DCLK1: variants seen among roughly 807,000 people sequenced by gnomAD.
The protein encoded by DCLK1 is serine/threonine-protein kinase DCLK1.
Under a neutral mutation model 86.2 loss-of-function variants are expected in DCLK1, and 16 were observed. The ratio of observed to expected loss-of-function variants is 0.19; its 90% CI spans 0.13 to 0.28. The LOEUF (loss-of-function observed/expected upper bound fraction) is 0.28, where lower values mean the gene tolerates loss of function less well. Ranked by LOEUF, DCLK1 falls within the 10% of genes least tolerant of loss-of-function variation. The pLI is 1.00. For missense variants in DCLK1, 590 were observed against 940.2 expected, an observed-to-expected ratio of 0.63 and a Z score of 4.87; for synonymous variants, 369 against 370.5, an observed-to-expected ratio of 1.00 and a Z score of 0.05.
At chr13:35,796,491 G>C (rs74400583) in intron 15 of DCLK1, among the ~76,000 whole-genome samples, 1 of 152,164 alleles carries the variant, frequency 6.6e-6, no homozygotes, top group African/African-American at 2.4e-5. Context: ...AAGAGGGAAC[G>C]AGCAGAGGTG....
At position 35,895,738 on chromosome 13, in the gene DCLK1, C is replaced by T. The variant is rs567347359; in HGVS notation, c.824-24398G>A. On this transcript the variant is annotated intron_variant, in intron 4 of 16. Coordinates refer to ENST00000360631, the MANE Select transcript of DCLK1 (RefSeq NM_001330071.2). The stretch of plus-strand genomic sequence containing the variant: ...TTCTTTATAACTCAGTGTTCATATA[C>T]TATAGCAAAAAAAAACAAAACAAAA... Among the ~76,000 whole-genome samples the T allele has an allele frequency of 6.4e-4, 53 of 82,888 alleles. 2 individuals are homozygous for T. In the South Asian group the frequency reaches 0.013, roughly 21 times the overall value. 54.4% of individuals were successfully genotyped at this position (82,888 alleles called of 152,430 possible).
intron 15 of DCLK1, 68 bp downstream of exon 15, chr13:35,805,631 G>T (rs11618474): frequency 0.1 from 151,375 of 1,482,152 alleles, 11,008 homozygotes; most frequent in African/African-American, 0.34. Flanking sequence ...AATAACATTA[G>T]AAAATCTGCA....
At chr13:35,998,481 G>A (rs17789788) in intron 3 of DCLK1, among the ~76,000 whole-genome samples, 1 of 151,812 alleles carries the variant, frequency 6.6e-6, no homozygotes. Context: ...TTCTCCAGCC[G>A]ATGCGTCTCT....
intron 3 of DCLK1, among the ~76,000 whole-genome samples, chr13:36,089,493 A>C (rs1884739753): frequency 6.6e-6 from 1 of 152,124 alleles, no homozygotes; most frequent in Non-Finnish European, 1.5e-5. Flanking sequence ...CTCTCATGAC[A>C]CTTCTCTGCA....
intron 4 of DCLK1, among the ~76,000 whole-genome samples, chr13:35,941,315 T>G (rs1261661799): frequency 6.6e-6 from 1 of 152,216 alleles, no homozygotes; most frequent in Non-Finnish European, 1.5e-5. Context: ...GAATGGTACC[T>G]GATACAGCTT....
chr13:35,886,861 G>T (rs1873299084), intron 4 of DCLK1, among the ~76,000 whole-genome samples: 1 of 152,078 alleles, frequency 6.6e-6, no homozygotes, highest in African/African-American at 2.4e-5. Flanking sequence ...AGAAAACCTG[G>T]AGACAAAAAT....
In DCLK1 at chr13:35,933,342, G is replaced by A. The variant is rs545228980; in HGVS notation, c.823+14016C>T. Among the ~76,000 whole-genome samples the A allele has an allele frequency of 2.0e-5, 3 of 152,286 alleles. No homozygotes were observed. The South Asian group carries it at 6.2e-4, about 32-fold the overall frequency. ...ACCACCATTCTGGGGCCTGGAGGAC[G>A]GTGGCCCTCTTCTCACAGCTCCACT... On this transcript the variant is annotated intron_variant, in intron 4 of 16. Transcript: ENST00000360631.
intron 3 of DCLK1, among the ~76,000 whole-genome samples, chr13:36,004,573 T>TTTG (rs1333733363): frequency 8.5e-5 from 13 of 152,054 alleles, no homozygotes; most frequent in East Asian, 1.9e-4. Flanking sequence ...TCACAAGTTT[T>TTTG]TTGTTGTTGT....
intron 3 of DCLK1, among the ~76,000 whole-genome samples, chr13:35,953,491 GA>G (rs1298284974): frequency 1.3e-5 from 2 of 152,042 alleles, no homozygotes; most frequent in Admixed American, 1.3e-4. Flanking sequence ...TTGGCTCAAG[GA>G]AGACATATTC....
intron 4 of DCLK1, among the ~76,000 whole-genome samples, chr13:35,913,437 T>A (rs1354362840): frequency 8.5e-5 from 13 of 152,224 alleles, no homozygotes; most frequent in Non-Finnish European, 2.9e-5. Context: ...CCACAAATGC[T>A]CAAATGCAAT....
intron 3 of DCLK1, among the ~76,000 whole-genome samples, chr13:35,996,231 C>T (rs1205250149): frequency 6.6e-6 from 1 of 151,112 alleles, no homozygotes; most frequent in African/African-American, 2.5e-5. Context: ...ACCCTGCCAA[C>T]CTATTTTAGT....
At chr13:35,906,175 T>A (rs1874679081) in intron 4 of DCLK1, among the ~76,000 whole-genome samples, 1 of 152,324 alleles carries the variant, frequency 6.6e-6, no homozygotes, top group Admixed American at 6.5e-5. Context: ...GAAACAGCAT[T>A]GCAACCACAC....
chr13:35,778,229 A>T (rs571698927), intron 16 of DCLK1, among the ~76,000 whole-genome samples: 1 of 152,160 alleles, frequency 6.6e-6, no homozygotes, highest in Non-Finnish European at 1.5e-5. Context: ...ACAAGGTCCA[A>T]TTTATTTACA....
At chr13:35,976,437 A>G (rs965761796) in intron 3 of DCLK1, among the ~76,000 whole-genome samples, 1 of 151,080 alleles carries the variant, frequency 6.6e-6, no homozygotes, top group African/African-American at 2.4e-5. Context: ...GTGAACCCTT[A>G]GCAGATGATG....
chr13:35,793,789 T>C (rs1171729208), intron 15 of DCLK1, among the ~76,000 whole-genome samples: 1 of 152,174 alleles, frequency 6.6e-6, no homozygotes, highest in African/African-American at 2.4e-5. Flanking sequence ...TCTAGGAACA[T>C]GTCAAAAAGC....
intron 6 of DCLK1, among the ~76,000 whole-genome samples, chr13:35,845,198 A>G (rs1870088422): frequency 6.6e-6 from 1 of 152,240 alleles, no homozygotes; most frequent in Admixed American, 6.5e-5. Context: ...CAGTGAGCCA[A>G]GATCGCACCA....
At chr13:36,039,991 T>G (rs9546226) in intron 3 of DCLK1, among the ~76,000 whole-genome samples, 7,742 of 151,742 alleles carry the variant, frequency 0.051, 205 homozygotes, top group Middle Eastern at 0.092. Flanking sequence ...TGCAGTGGCA[T>G]GATCATAGCT....
intron 15 of DCLK1, among the ~76,000 whole-genome samples, chr13:35,801,245 C>G (rs929031176): frequency 3.3e-5 from 5 of 151,966 alleles, no homozygotes; most frequent in Non-Finnish European, 7.4e-5. Context: ...TCTTTGAAAT[C>G]CCTAATTTAT....
chr13:35,792,992 C>T (rs955862475), intron 16 of DCLK1, among the ~76,000 whole-genome samples: 50 of 152,174 alleles, frequency 3.3e-4, no homozygotes, highest in African/African-American at 1.2e-3. Flanking sequence ...AATGTCGTCT[C>T]TCTCAGCTTG....
Sources: gnomAD v4.1 joint callset for allele counts (sites outside exome capture counted in the v4.1 genomes callset) on GRCh38, gnomAD v4.1.1 for gene constraint, MANE v1.5 for transcripts, NCBI Gene and HGNC (gene_info 2026-07-23, HGNC 2026-07-21) for gene names.